The following ZFPM1 variants were observed in gnomAD, a reference collection of about 807,000 sequenced individuals.
ZFPM1 encodes zinc finger protein ZFPM1.
Under a neutral mutation model 46.3 loss-of-function variants are expected in ZFPM1, and 28 were observed. The observed-to-expected ratio is 0.60, with a 90% CI of 0.45 to 0.83. The LOEUF is 0.83. Among genes scored for constraint, ZFPM1 ranks in the 40% least tolerant of loss-of-function variants. ZFPM1 has a pLI of 0.00. For missense variants in ZFPM1, 1,878 were observed against 1,432.4 expected, an observed-to-expected ratio of 1.31 and a Z score of -5.02; for synonymous variants, 957 against 675.9, an observed-to-expected ratio of 1.42 and a Z score of -6.45.
chr16:88,526,891 G>T lies in ZFPM1; in HGVS notation c.480G>T (p.Glu160Asp). 6.3e-7 allele frequency: 1 copy of T among 1,579,154 alleles called. No homozygotes were observed. The highest frequency in any genetic ancestry group is 8.6e-7 in the Non-Finnish European group (1 of 1,162,584). The change falls in exon 5 of 10, where the codon GAG becomes GAT. Residue 160 changes from glutamate (E) to aspartate (D), a missense_variant. Physicochemically the swap from Glu to Asp is conservative, Grantham distance 45. Coordinates refer to ENST00000319555, the MANE Select transcript of ZFPM1 (RefSeq NM_153813.3). ...RTLPQALTEA[E>D]ANTEIHRKDD... ...TGCCCCAGGCCCTGACTGAGGCCGA[G>T]GCCAACACAGAGATCCACAGGAAGG...
At chr16:88,461,041 A>AGGGGC (rs1363904527) in intron 1 of ZFPM1, among the ~76,000 whole-genome samples, 2 of 75,380 alleles carry the variant, frequency 2.7e-5, no homozygotes, top group Admixed American at 1.4e-4. Flanking sequence ...GTGAGGACCG[A>AGGGGC]GGGGCGGGAG....
In ZFPM1 at chr16:88,533,900, G is replaced by T. The variant is rs1334493533; in HGVS notation, c.1942G>T (p.Ala648Ser). The change falls in exon 10 of 10, where the codon GCT becomes TCT. Residue 648 changes from alanine to serine, a missense_variant. Physicochemically the swap from Ala to Ser is moderately conservative, Grantham distance 99 (BLOSUM62 1). Transcript: ENST00000319555. ...SPGPGAREEGAGGAATPEDGA... is the reference protein window; with the variant it reads ...SPGPGAREEGSGGAATPEDGA... Reference sequence around the variant, plus strand: ...GGGCCCCGGAGCGCGCGAGGAGGGGGCTGGGGGCGCGGCCACGCCCGAGGA... The same window carrying T: ...GGGCCCCGGAGCGCGCGAGGAGGGGTCTGGGGGCGCGGCCACGCCCGAGGA... 5.5e-6 allele frequency: 6 copies of T among 1,081,992 alleles called. No individual in the cohort carries two copies. The highest frequency in any genetic ancestry group is 4.3e-4 in the Middle Eastern group (1 of 2,310). 67.0% of individuals were successfully genotyped at this position (1,081,992 alleles called of 1,614,324 possible). A position where few individuals can be genotyped will look rare whatever the true frequency, so the allele number is the denominator to read the frequency against.
intron 3 of ZFPM1, among the ~76,000 whole-genome samples, chr16:88,504,330 G>T (rs1316148350): frequency 6.6e-6 from 1 of 152,142 alleles, no homozygotes; most frequent in Non-Finnish European, 1.5e-5. Context: ...CAAGGCTGGG[G>T]AGAGCCAGGG....
Position 88,468,301 on chromosome 16 carries a change from G to A in ZFPM1, c.40+14623G>A, listed in dbSNP as rs192018270. 2.6e-5 allele frequency among the ~76,000 whole-genome samples: 4 copies of A among 152,258 alleles called. No individual in the cohort carries two copies. The East Asian group carries it at 5.8e-4, about 22-fold the overall frequency. ...GCGGCGCACAGAGCCACCAGATCTAGAGGGAGAGCTGAGCACTCGGGGTGC... is the reference window on the plus strand; with the variant it reads ...GCGGCGCACAGAGCCACCAGATCTAAAGGGAGAGCTGAGCACTCGGGGTGC... On this transcript the variant is annotated intron_variant, in intron 1 of 9. Coordinates refer to ENST00000319555, the MANE Select transcript of ZFPM1 (RefSeq NM_153813.3).
chr16:88,455,945 G>A (rs1232647296), intron 1 of ZFPM1, among the ~76,000 whole-genome samples: 1 of 152,170 alleles, frequency 6.6e-6, no homozygotes, highest in East Asian at 1.9e-4. Flanking sequence ...TCCGATAAGA[G>A]CCTGGCCGGT....
intron 4 of ZFPM1, among the ~76,000 whole-genome samples, chr16:88,515,058 C>T (rs1911213221): frequency 6.6e-6 from 1 of 152,196 alleles, no homozygotes; most frequent in Non-Finnish European, 1.5e-5. Context: ...AGGCCTGTGT[C>T]GTTTGTCTTG....
chr16:88,514,048 G>T (rs771077482), intron 3 of ZFPM1, among the ~76,000 whole-genome samples: 85 of 152,330 alleles, frequency 5.6e-4, no homozygotes, highest in Non-Finnish European at 9.8e-4. Context: ...AGTCAGCCAT[G>T]ACATAAACTC....
rs1908891077 is a variant in ZFPM1 at position 88,480,690 on chromosome 16, C to T, written c.41-5249C>T. On this transcript the variant is annotated intron_variant, in intron 1 of 9. Coordinates refer to ENST00000319555, the MANE Select transcript of ZFPM1 (RefSeq NM_153813.3). This position sits in a 1 kb window ranked among gnomAD's most constrained non-coding sequence, Gnocchi z 4.9. ...CTCCCTGGGCCAGGGCCCTGGTTTT[C>T]AGAAGGCTTGCCCAAGGTCACAGAG... is the stretch of plus-strand genomic sequence containing the variant. 6.6e-6 allele frequency among the ~76,000 whole-genome samples: 1 copy of T among 152,250 alleles called. No individual in the cohort carries two copies. Among genetic ancestry groups the T allele is most frequent in the African/African-American group, 2.4e-5 (1 of 41,456 alleles).
At chr16:88,520,597 AG>A (rs757538164) in intron 4 of ZFPM1, among the ~76,000 whole-genome samples, 11,763 of 55,350 alleles carry the variant, frequency 0.21, 812 homozygotes, top group East Asian at 0.41. Flanking sequence ...TGGGAGGGTG[AG>A]TGGGTGGATG....
At chr16:88,526,178 C>T (rs1567552957) in intron 4 of ZFPM1, among the ~76,000 whole-genome samples, 1 of 152,230 alleles carries the variant, frequency 6.6e-6, no homozygotes, top group South Asian at 2.1e-4. Context: ...CAGCGTCCGC[C>T]GTGTGCCGGC....
rs1325826610 is a variant in ZFPM1, at chr16:88,480,090, G to A, written c.41-5849G>A. Among the ~76,000 whole-genome samples, 3 of 152,090 alleles carry A rather than the reference G, an allele frequency of 2.0e-5. No homozygotes were observed. The highest frequency in any genetic ancestry group is 2.9e-5 in the Non-Finnish European group (2 of 67,992). On this transcript the variant is annotated intron_variant, in intron 1 of 9. Transcript: ENST00000319555. This position sits in a 1 kb window ranked among gnomAD's most constrained non-coding sequence, Gnocchi z 4.9. ...CTGAAACCAGGCTCAGGGAGAAGCCGCCTGCCCTGTGCCAGCCTCAGCTCC... is the reference window on the plus strand; with the variant it reads ...CTGAAACCAGGCTCAGGGAGAAGCCACCTGCCCTGTGCCAGCCTCAGCTCC...
chr16:88,452,449 A>G (rs75247730), upstream of ZFPM1, among the ~76,000 whole-genome samples: 1,566 of 152,222 alleles, frequency 0.01, 27 homozygotes, highest in African/African-American at 0.036. Context: ...AGAGGCCCCA[A>G]GTGGCAACGC....
chr16:88,461,163 A>AGGACCCAGGGGTGGGGCGGGAGG (rs1907850812), intron 1 of ZFPM1, among the ~76,000 whole-genome samples: 1 of 39,856 alleles, frequency 2.5e-5, no homozygotes, highest in East Asian at 7.4e-4. Context: ...GGGGCGGGAG[A>AGGACCCAGGGGTGGGGCGGGAGG]CCTGGTGAGG....
intron 1 of ZFPM1, among the ~76,000 whole-genome samples, chr16:88,468,159 C>A (rs2142350644): frequency 6.9e-6 from 1 of 145,074 alleles, no homozygotes; most frequent in African/African-American, 2.6e-5. Context: ...GACCCACCCG[C>A]GAGCCCACAG....
intron 1 of ZFPM1, among the ~76,000 whole-genome samples, chr16:88,464,266 C>A (rs940750155): frequency 6.6e-6 from 1 of 152,142 alleles, no homozygotes; most frequent in African/African-American, 2.4e-5. Context: ...AAGGTTGAGA[C>A]CCACAGGGGC....
rs1004526738 is a variant in ZFPM1 at position 88,536,446 on chromosome 16, T to C, written c.*1467T>C. On this transcript the variant is annotated 3_prime_UTR_variant, in exon 10 of 10. Transcript: ENST00000319555. ...GCCTCAGCCTCCCAGAACATTAGGA[T>C]GACAGGCGCGAGCTACCATTCCCAG... 4 of 152,370 alleles carry C rather than the reference T, an allele frequency of 2.6e-5. No individual in the cohort carries two copies. The highest frequency in any genetic ancestry group is 2.1e-4 in the South Asian group (1 of 4,830). 9.4% of individuals were successfully genotyped at this position (152,370 alleles called of 1,614,324 possible). A position where few individuals can be genotyped will look rare whatever the true frequency, so the allele number is the denominator to read the frequency against.
rs1456757009 is a variant in ZFPM1 at position 88,533,866 on chromosome 16, C to T, written c.1908C>T (p.Arg636=). 2.6e-5 allele frequency: 26 copies of T among 987,404 alleles called. No homozygotes were observed. The highest frequency in any genetic ancestry group is 3.0e-5 in the Non-Finnish European group (25 of 833,206). The allele number at this position is 987,404 out of a possible 1,614,324, so 61.2% of individuals were successfully genotyped here. A position where few individuals can be genotyped will look rare whatever the true frequency, so the allele number is the denominator to read the frequency against. The change falls in exon 10 of 10, where the codon CGC becomes CGT. Residue 636 remains arginine, a synonymous_variant. Transcript: ENST00000319555. ...AGCCCGCCGAACCCGACGCGCCGCG[C>T]TCGTCCCCGGGCCCCGGAGCGCGCG... The part of the protein sequence containing the change: ...PGQPAEPDAP[R]SSPGPGAREE...
chr16:88,530,465 G>A (rs959459643), intron 6 of ZFPM1: 3 of 152,230 alleles, frequency 2.0e-5, no homozygotes, highest in African/African-American at 7.2e-5. Flanking sequence ...TAGCACTTCT[G>A]CGGCTGCCAG....
Position 88,534,310 on chromosome 16 carries a change from G to T in ZFPM1, c.2352G>T (p.Ala784=). 1 of 1,306,236 alleles carries T rather than the reference G, an allele frequency of 7.7e-7. No individual in the cohort carries two copies. Among genetic ancestry groups the T allele is most frequent in the South Asian group, 1.8e-5 (1 of 54,274 alleles). The allele number at this position is 1,306,236 out of a possible 1,614,324, so 80.9% of individuals were successfully genotyped here. Residue 784 remains alanine, a synonymous_variant, in exon 10 of 10, where the codon GCG becomes GCT. Coordinates refer to ENST00000319555, the MANE Select transcript of ZFPM1 (RefSeq NM_153813.3). The stretch of plus-strand genomic sequence containing the variant: ...GAAGCGGCCCCGGCCTCGCCCCTGC[G>T]CGCTCGCCCGGCCCCGCGGCCGACG... ...GSGSGPGLAP[A]RSPGPAADGP... is the part of the protein sequence containing the mutation.
Sources: gnomAD v4.1 joint callset for allele counts (sites outside exome capture counted in the v4.1 genomes callset) on GRCh38, gnomAD v4.1.1 for gene constraint, Gnocchi (gnomAD v3.1) non-coding constraint, MANE v1.5 for transcripts, NCBI Gene and HGNC (gene_info 2026-07-23, HGNC 2026-07-21) for gene names.